Variants in NRXN3 observed in about 807,000 individuals in gnomAD.
NRXN3 encodes neurexin III.
Under a neutral mutation model 137.6 loss-of-function variants are expected in NRXN3, and 32 were observed. The observed-to-expected ratio is 0.23, with a 90% CI of 0.18 to 0.31. The LOEUF (loss-of-function observed/expected upper bound fraction) is 0.31, where lower values mean the gene tolerates loss of function less well. Ranked by LOEUF, NRXN3 falls within the 10% of genes least tolerant of loss-of-function variation. The pLI, the probability that NRXN3 is intolerant of heterozygous loss-of-function variation, is 1.00. For missense variants in NRXN3, 1,574 were observed against 2,062.5 expected (o/e 0.76, Z 4.59); for synonymous variants, 798 against 784.5 (o/e 1.02, Z -0.29).
At chr14:79,040,695 G>C (rs577252461) in intron 15 of NRXN3, among the ~76,000 whole-genome samples, 2 of 152,050 alleles carry the variant, frequency 1.3e-5, no homozygotes, top group East Asian at 1.9e-4. Context: ...CCCGGAAGAG[G>C]GTTGCCATTT....
intron 15 of NRXN3, among the ~76,000 whole-genome samples, chr14:79,465,779 A>C (rs1159954902): frequency 6.6e-6 from 1 of 152,210 alleles, no homozygotes; most frequent in Non-Finnish European, 1.5e-5. Context: ...GAACATGGTC[A>C]CTGAGAAATA....
At chr14:79,148,917 G>T (rs1397689065) in intron 15 of NRXN3, among the ~76,000 whole-genome samples, 1 of 151,164 alleles carries the variant, frequency 6.6e-6, no homozygotes, top group Non-Finnish European at 1.5e-5. Context: ...GTTTATTTTT[G>T]CCCTTAAAGT....
In NRXN3 at chr14:79,697,944, C is replaced by T; in HGVS notation, c.4014+7C>T. 2 of 1,605,310 alleles carry T rather than the reference C, an allele frequency of 1.2e-6. No homozygotes were observed. Among genetic ancestry groups the T allele is most frequent in the African/African-American group, 1.3e-5 (1 of 74,658 alleles). On this transcript the variant is annotated splice_region_variant and intron_variant, in intron 19 of 20. Coordinates refer to ENST00000335750, the MANE Select transcript of NRXN3 (RefSeq NM_001330195.2). ...CTCTACAGCCAGCATTCAGGTAGGC[C>T]TTTTTCCAAGTATTAATTGCGTCTG...
At chr14:78,264,326 A>G (rs1381741964) in intron 2 of NRXN3, among the ~76,000 whole-genome samples, 2 of 152,072 alleles carry the variant, frequency 1.3e-5, no homozygotes, top group African/African-American at 4.8e-5. Flanking sequence ...TCCCCAAGAA[A>G]TGGCAGCTGG....
chr14:79,350,954 C>T (rs2093177015), intron 15 of NRXN3, among the ~76,000 whole-genome samples: 1 of 152,092 alleles, frequency 6.6e-6, no homozygotes, highest in South Asian at 2.1e-4. Context: ...GACATTAATG[C>T]TATTATAATC....
chr14:78,682,827 G>T (rs1439681136), intron 6 of NRXN3, among the ~76,000 whole-genome samples: 2 of 152,142 alleles, frequency 1.3e-5, no homozygotes, highest in African/African-American at 4.8e-5. Context: ...CATTCTCATG[G>T]GTTCCAAGCC....
At chr14:79,564,314 A>G (rs2097528736) in intron 16 of NRXN3, among the ~76,000 whole-genome samples, 1 of 152,094 alleles carries the variant, frequency 6.6e-6, no homozygotes, top group African/African-American at 2.4e-5. Flanking sequence ...GGTCGCAGAC[A>G]CCATCCCTCA....
intron 15 of NRXN3, among the ~76,000 whole-genome samples, chr14:79,373,963 C>T (rs2094187413): frequency 6.6e-6 from 1 of 152,040 alleles, no homozygotes; most frequent in Non-Finnish European, 1.5e-5. Flanking sequence ...GCTCTGGTAA[C>T]AGGAAAATGT....
intron 16 of NRXN3, among the ~76,000 whole-genome samples, chr14:79,496,987 C>A (rs932368210): frequency 6.6e-6 from 1 of 152,166 alleles, no homozygotes; most frequent in African/African-American, 2.4e-5. Flanking sequence ...CCACCATAAC[C>A]CCACAAAGTT....
At chr14:78,759,266 T>A (rs1299827422) in intron 8 of NRXN3, among the ~76,000 whole-genome samples, 2 of 152,152 alleles carry the variant, frequency 1.3e-5, no homozygotes, top group Non-Finnish European at 2.9e-5. Flanking sequence ...TAGGTAGTGA[T>A]AACAACAAGA....
rs909861063 is a variant in NRXN3 at position 79,692,269 on chromosome 14, G to A, written c.3706+7G>A. Reference sequence around the variant, plus strand: ...GAGTGGCTGCAGGAAAAAGGTAACCGTCATTAAAACTTTCATTTTAAAATC... The same window carrying A: ...GAGTGGCTGCAGGAAAAAGGTAACCATCATTAAAACTTTCATTTTAAAATC... On this transcript the variant is annotated splice_region_variant and intron_variant, in intron 18 of 20. Transcript: ENST00000335750. 27 of 1,589,106 alleles carry A rather than the reference G, an allele frequency of 1.7e-5. No homozygotes were observed. The highest frequency in any genetic ancestry group is 2.3e-5 in the East Asian group (1 of 44,390).
intron 10 of NRXN3, among the ~76,000 whole-genome samples, chr14:78,935,136 C>T (rs1270418765): frequency 1.3e-5 from 2 of 152,050 alleles, no homozygotes; most frequent in African/African-American, 4.8e-5. Context: ...TGAATTATGA[C>T]TAGAATTTGA....
At chr14:79,367,900 T>C (rs959999561) in intron 15 of NRXN3, among the ~76,000 whole-genome samples, 1 of 152,212 alleles carries the variant, frequency 6.6e-6, no homozygotes, top group Non-Finnish European at 1.5e-5. Flanking sequence ...TGCAAATCTG[T>C]GTTCTGGAGT....
chr14:78,186,349 C>T (rs989495779), intron 1 of NRXN3, among the ~76,000 whole-genome samples: 9 of 152,216 alleles, frequency 5.9e-5, no homozygotes, highest in Admixed American at 2.6e-4. Flanking sequence ...TTGTGGCTTC[C>T]CAGGCAGAGC....
At chr14:78,751,034 A>T (rs1462833511) in intron 8 of NRXN3, among the ~76,000 whole-genome samples, 4 of 152,218 alleles carry the variant, frequency 2.6e-5, no homozygotes, top group Admixed American at 6.5e-5. Flanking sequence ...GCTTAGGTGG[A>T]GGAGAGATAG....
chr14:78,284,246 C>G (rs2074850978), intron 3 of NRXN3, among the ~76,000 whole-genome samples: 1 of 152,188 alleles, frequency 6.6e-6, no homozygotes, highest in Admixed American at 6.5e-5. Flanking sequence ...ATTGGAAAGG[C>G]TAATCAGAAA....
intron 19 of NRXN3, among the ~76,000 whole-genome samples, chr14:79,739,665 A>G (rs915513216): frequency 6.7e-6 from 1 of 149,516 alleles, no homozygotes; most frequent in African/African-American, 2.5e-5. Context: ...AAAAAAAAAA[A>G]AAAAAAAAAA....
chr14:78,871,559 A>C (rs1475610482), intron 10 of NRXN3, among the ~76,000 whole-genome samples: 1 of 152,106 alleles, frequency 6.6e-6, no homozygotes, highest in Non-Finnish European at 1.5e-5. Flanking sequence ...TCTCTTAAAA[A>C]TTTGTGGCAT....
chr14:79,289,035 A>C (rs1223816377), intron 15 of NRXN3, among the ~76,000 whole-genome samples: 1 of 152,176 alleles, frequency 6.6e-6, no homozygotes, highest in Non-Finnish European at 1.5e-5. Context: ...CTTCAAAAGC[A>C]CACCAATGGG....
Sources: allele counts gnomAD v4.1 joint callset (sites outside exome capture counted in the v4.1 genomes callset), GRCh38; gene constraint gnomAD v4.1.1; transcripts MANE v1.5; gene names NCBI Gene and HGNC (gene_info 2026-07-23, HGNC 2026-07-21).